The following SCFD2 variants were observed in gnomAD, a reference collection of about 807,000 sequenced individuals.
SCFD2 encodes sec1 family domain-containing protein 2.
SCFD2 carries 54 observed loss-of-function variants against 58.9 expected under a neutral mutation model. The ratio of observed to expected loss-of-function variants is 0.92; its 90% confidence interval spans 0.74 to 1.15. SCFD2 has a LOEUF of 1.15. Ranked by LOEUF, SCFD2 falls within the 50% of genes most tolerant of loss-of-function variation. The pLI, the probability that SCFD2 is intolerant of heterozygous loss-of-function variation, is 0.00. For synonymous variants in SCFD2, 321 were observed against 335.9 expected, an observed-to-expected ratio of 0.96 and a Z score of 0.49; for missense variants, 805 against 836.6, an observed-to-expected ratio of 0.96 and a Z score of 0.47.
At chr4:53,103,106 T>C (rs1471757953) in intron 5 of SCFD2, among the ~76,000 whole-genome samples, 1 of 152,090 alleles carries the variant, frequency 6.6e-6, no homozygotes, top group African/African-American at 2.4e-5. Context: ...AGAAGCAGGA[T>C]GTTTGTATGG....
At chr4:53,082,908 A>G (rs1382297676) in intron 5 of SCFD2, among the ~76,000 whole-genome samples, 2 of 152,126 alleles carry the variant, frequency 1.3e-5, no homozygotes, top group Non-Finnish European at 2.9e-5. Flanking sequence ...AGTTTAAGAC[A>G]ATAGATTATG....
chr4:53,211,434 T>A (rs1296577445), intron 4 of SCFD2, among the ~76,000 whole-genome samples: 3 of 152,068 alleles, frequency 2.0e-5, no homozygotes, highest in Non-Finnish European at 4.4e-5. Flanking sequence ...AACGTGAGTG[T>A]TTTCTTGAGT....
At chr4:52,936,039 G>T (rs750249510) in intron 5 of SCFD2, among the ~76,000 whole-genome samples, 4 of 152,128 alleles carry the variant, frequency 2.6e-5, no homozygotes, top group East Asian at 3.9e-4. Flanking sequence ...GTTTCTCCAT[G>T]CTGTTCAGGC....
At chr4:52,889,525 T>G (rs1216124397) in intron 7 of SCFD2, among the ~76,000 whole-genome samples, 1 of 152,226 alleles carries the variant, frequency 6.6e-6, no homozygotes, top group Non-Finnish European at 1.5e-5. Flanking sequence ...CTTTTACAAC[T>G]TGGCTCTGGT....
At chr4:53,054,376 C>T (rs568322352) in intron 5 of SCFD2, among the ~76,000 whole-genome samples, 13 of 152,156 alleles carry the variant, frequency 8.5e-5, no homozygotes, top group Non-Finnish European at 1.8e-4. Flanking sequence ...TCCCCCTAGA[C>T]TTAAGGCTTC....
intron 8 of SCFD2, among the ~76,000 whole-genome samples, chr4:52,879,728 A>G (rs1392935305): frequency 6.6e-6 from 1 of 152,238 alleles, no homozygotes; most frequent in Non-Finnish European, 1.5e-5. Flanking sequence ...CCGTTGCTCC[A>G]GACCATGGCT....
intron 2 of SCFD2, among the ~76,000 whole-genome samples, chr4:53,335,030 C>T (rs1733632127): frequency 6.6e-6 from 1 of 151,932 alleles, no homozygotes; most frequent in Admixed American, 6.6e-5. Context: ...AACCCCATCT[C>T]TACTAAAAAT....
At chr4:52,899,791 T>C (rs955082396) in intron 7 of SCFD2, among the ~76,000 whole-genome samples, 1 of 152,250 alleles carries the variant, frequency 6.6e-6, no homozygotes, top group Non-Finnish European at 1.5e-5. Context: ...GTACATCAGT[T>C]AGACGTAGAT....
chr4:53,141,736 C>T (rs1209009118), intron 5 of SCFD2, among the ~76,000 whole-genome samples: 1 of 152,054 alleles, frequency 6.6e-6, no homozygotes, highest in African/African-American at 2.4e-5. Context: ...TAACATGGCT[C>T]AGGCTGAAGA....
At position 53,226,062 on chromosome 4, in the gene SCFD2, G is replaced by A. The variant is rs371601183; in HGVS notation, c.1311+47764C>T. Among the ~76,000 whole-genome samples, 133 of 152,104 alleles carry A rather than the reference G, an allele frequency of 8.7e-4. 1 individual carries two copies. The highest frequency in any genetic ancestry group is 3.7e-3 in the South Asian group (18 of 4,810). ...AGAGATCATCCTGCCTTGGCCTCCC[G>A]AAGTGCTGGGATTACAGATATGAGC... On this transcript the variant is annotated intron_variant, in intron 4 of 8. Coordinates refer to ENST00000401642, the MANE Select transcript of SCFD2 (RefSeq NM_152540.4).
At chr4:53,302,604 A>C (rs1732352082) in intron 3 of SCFD2, among the ~76,000 whole-genome samples, 1 of 152,156 alleles carries the variant, frequency 6.6e-6, no homozygotes, top group Admixed American at 6.5e-5. Context: ...AAACTACTTT[A>C]AAGTTCATAT....
intron 8 of SCFD2, among the ~76,000 whole-genome samples, chr4:52,876,469 A>G (rs4864688): frequency 0.26 from 40,184 of 151,908 alleles, 5,564 homozygotes; most frequent in African/African-American, 0.35. Context: ...CCTTTTTCGA[A>G]CTGGGTGCGG....
chr4:53,040,589 G>A (rs1468008508), intron 5 of SCFD2, among the ~76,000 whole-genome samples: 2 of 152,032 alleles, frequency 1.3e-5, no homozygotes, highest in African/African-American at 4.8e-5. Context: ...ACTTTGCTTT[G>A]CTCTATTTGT....
intron 5 of SCFD2, among the ~76,000 whole-genome samples, chr4:52,930,832 A>G (rs2109497480): frequency 6.6e-6 from 1 of 152,306 alleles, no homozygotes; most frequent in South Asian, 2.1e-4. Flanking sequence ...TTCAGCATTC[A>G]GAGTAACTGA....
intron 2 of SCFD2, among the ~76,000 whole-genome samples, chr4:53,318,100 T>TAGA (rs1732918904): frequency 6.6e-6 from 1 of 152,198 alleles, no homozygotes. Flanking sequence ...TAATGTAGAA[T>TAGA]TCATACACAC....
intron 8 of SCFD2, among the ~76,000 whole-genome samples, chr4:52,881,741 T>C (rs1266263712): frequency 6.6e-6 from 1 of 152,146 alleles, no homozygotes; most frequent in African/African-American, 2.4e-5. Context: ...TGTCAGTCAA[T>C]AGGTTGGTGT....
intron 4 of SCFD2, among the ~76,000 whole-genome samples, chr4:53,195,081 A>AATT (rs1728021739): frequency 6.6e-6 from 1 of 152,206 alleles, no homozygotes; most frequent in Non-Finnish European, 1.5e-5. Flanking sequence ...CTCTACAGTC[A>AATT]GAATGGCTGG....
At chr4:53,030,030 C>T (rs774321503) in intron 5 of SCFD2, among the ~76,000 whole-genome samples, 14 of 151,708 alleles carry the variant, frequency 9.2e-5, no homozygotes, top group South Asian at 8.3e-4. Context: ...CACAGTTGAG[C>T]GAACAAAATG....
At chr4:53,218,023 G>A (rs139722505) in intron 4 of SCFD2, among the ~76,000 whole-genome samples, 19 of 152,290 alleles carry the variant, frequency 1.2e-4, no homozygotes, top group Admixed American at 7.2e-4. Flanking sequence ...CTGTTACTCT[G>A]TTGGGCTTCC....
Sources: gnomAD v4.1 joint callset for allele counts (sites outside exome capture counted in the v4.1 genomes callset) on GRCh38, gnomAD v4.1.1 for gene constraint, MANE v1.5 for transcripts, NCBI Gene and HGNC (gene_info 2026-07-23, HGNC 2026-07-21) for gene names.